IL18R1: variants seen among roughly 807,000 people sequenced by gnomAD.
The protein encoded by IL18R1 is interleukin-18 receptor 1.
IL18R1 carries 40 observed loss-of-function variants against 48.5 expected under a neutral mutation model. The observed-to-expected ratio is 0.82, with a 90% CI of 0.64 to 1.07. The LOEUF (loss-of-function observed/expected upper bound fraction) is 1.07. Among genes scored for constraint, IL18R1 ranks in the 50% least tolerant of loss-of-function variants. The pLI is 0.00. For missense variants in IL18R1, 596 were observed against 633.7 expected, an observed-to-expected ratio of 0.94 and a Z score of 0.64; for synonymous variants, 232 against 225.9, an observed-to-expected ratio of 1.03 and a Z score of -0.24.
intron 4 of IL18R1, among the ~76,000 whole-genome samples, chr2:102,373,603 A>G (rs553769972): frequency 1.4e-5 from 2 of 143,242 alleles, no homozygotes; most frequent in Admixed American, 1.4e-4. Context: ...CCAGAACTTA[A>G]AGTATAATAA....
chr2:102,386,828 A>G, intron 7 of IL18R1, 33 bp from the exon 8 acceptor site: 2 of 1,611,566 alleles, frequency 1.2e-6, no homozygotes, highest in South Asian at 1.1e-5. Context: ...TAACGAACAG[A>G]GCCTACTGCT....
chr2:102,362,740 CA>C (rs1458118924), intron 2 of IL18R1, 22 bp downstream of exon 2: 1 of 1,418,698 alleles, frequency 7.0e-7, no homozygotes. Context: ...TACATACTCT[CA>C]AACATATTTC....
chr2:102,376,157 C>T (rs1237801569), intron 5 of IL18R1, 94 bp downstream of exon 5: 1 of 1,071,944 alleles, frequency 9.3e-7, no homozygotes, highest in Admixed American at 2.9e-5. Context: ...TGAGAGTCCA[C>T]TTAGTTGGGG....
intron 6 of IL18R1, among the ~76,000 whole-genome samples, chr2:102,383,145 A>G (rs1050801670): frequency 3.9e-5 from 6 of 152,224 alleles, no homozygotes; most frequent in Admixed American, 3.3e-4. Context: ...ATTATAGTCC[A>G]AGATTATACA....
intron 1 of IL18R1, among the ~76,000 whole-genome samples, chr2:102,361,391 G>A (rs1313999652): frequency 6.6e-6 from 1 of 152,108 alleles, no homozygotes; most frequent in Non-Finnish European, 1.5e-5. Context: ...TTTCCATAAG[G>A]ATGTATGTGA....
intron 1 of IL18R1, among the ~76,000 whole-genome samples, chr2:102,358,854 C>T (rs755251996): frequency 6.6e-6 from 1 of 152,178 alleles, no homozygotes; most frequent in South Asian, 2.1e-4. Flanking sequence ...ATCAGATGAT[C>T]ACCTAGATTC....
chr2:102,376,230 T>C (rs1156358687), intron 5 of IL18R1, among the ~76,000 whole-genome samples, 167 bp downstream of exon 5: 1 of 152,204 alleles, frequency 6.6e-6, no homozygotes, highest in Non-Finnish European at 1.5e-5. Context: ...CTCCTCTACT[T>C]GGCTAAATAA....
intron 2 of IL18R1, 67 bp downstream of exon 2, chr2:102,362,785 T>A (rs1678657609): frequency 9.8e-7 from 1 of 1,018,804 alleles, no homozygotes; most frequent in African/African-American, 1.6e-5. Context: ...AAAGTTTTTT[T>A]TTTTATGTGG....
intron 7 of IL18R1, among the ~76,000 whole-genome samples, chr2:102,386,002 C>T (rs1262403709): frequency 6.6e-6 from 1 of 152,194 alleles, no homozygotes; most frequent in African/African-American, 2.4e-5. Context: ...TCAATGGCCT[C>T]CTGTGTTTTA....
At chr2:102,360,561 C>T (rs534061344) in intron 1 of IL18R1, among the ~76,000 whole-genome samples, 2 of 152,206 alleles carry the variant, frequency 1.3e-5, no homozygotes, top group Admixed American at 1.3e-4. Context: ...CTGTGCCCGG[C>T]CAAACATCTT....
chr2:102,384,859 A>G lies in IL18R1; in HGVS notation c.689-19A>G, dbSNP rs1559630059. The stretch of plus-strand genomic sequence containing the variant: ...CCTGAGTTTCAAAAATCAGAACTTT[A>G]GTTGCCAACTTTTACCAGGAAAAAA... On this transcript the variant is annotated intron_variant, in intron 6 of 10. Transcript: ENST00000233957. The G allele has an allele frequency of 1.2e-6, 2 of 1,606,200 alleles. No homozygotes were observed. Among genetic ancestry groups the G allele is most frequent in the Non-Finnish European group, 1.7e-6 (2 of 1,176,682 alleles).
At position 102,372,600 on chromosome 2, in the gene IL18R1, C is replaced by CTT. The variant is rs36068136; in HGVS notation, c.468+490_468+491dup. 1.5e-3 allele frequency among the ~76,000 whole-genome samples: 222 copies of CTT among 151,388 alleles called. 1 individual carries two copies. Among genetic ancestry groups the CTT allele is most frequent in the African/African-American group, 5.0e-3 (206 of 41,270 alleles). ...AAATCACTCATAAATCCATCACAGA[C>CTT]TTTTTTTTTCTGTGAAGCATCTGCT... On this transcript the variant is annotated intron_variant, in intron 4 of 10. Transcript: ENST00000233957.
At chr2:102,358,720 A>T (rs1678401321) in intron 1 of IL18R1, among the ~76,000 whole-genome samples, 1 of 152,062 alleles carries the variant, frequency 6.6e-6, no homozygotes, top group Non-Finnish European at 1.5e-5. Flanking sequence ...GGGCATCATT[A>T]TTTTTTTCCA....
chr2:102,376,328 G>A (rs1559625001), intron 5 of IL18R1, among the ~76,000 whole-genome samples: 1 of 152,190 alleles, frequency 6.6e-6, no homozygotes, highest in African/African-American at 2.4e-5. Flanking sequence ...TGAGTAAATT[G>A]TGGAATCTTT....
At chr2:102,367,702 G>C in intron 2 of IL18R1, 123 bp from the exon 3 acceptor site, 2 of 789,258 alleles carry the variant, frequency 2.5e-6, no homozygotes, top group East Asian at 5.4e-5. Context: ...AATTGACACC[G>C]AGATTTCTCA....
intron 6 of IL18R1, among the ~76,000 whole-genome samples, chr2:102,384,463 AGTAC>A (rs1290453086): frequency 6.6e-6 from 1 of 152,206 alleles, no homozygotes; most frequent in African/African-American, 2.4e-5. Context: ...ATCCTTCTTA[AGTAC>A]GCTTGTAGTT....
intron 4 of IL18R1, among the ~76,000 whole-genome samples, chr2:102,375,276 C>T (rs1255152286): frequency 1.3e-5 from 2 of 152,148 alleles, no homozygotes; most frequent in Non-Finnish European, 2.9e-5. Context: ...AAGAAAGTGG[C>T]TTTATTACAA....
At chr2:102,365,286 G>A (rs921485104) in intron 2 of IL18R1, among the ~76,000 whole-genome samples, 10 of 152,180 alleles carry the variant, frequency 6.6e-5, no homozygotes, top group Non-Finnish European at 1.2e-4. Flanking sequence ...CCAAATGGGA[G>A]AAATTGACTA....
intron 2 of IL18R1, among the ~76,000 whole-genome samples, chr2:102,363,188 AT>A (rs1678684706): frequency 7.1e-6 from 1 of 140,208 alleles, no homozygotes; most frequent in Non-Finnish European, 1.5e-5. Flanking sequence ...ATTAGCAGTG[AT>A]TGCCTAGAGT....
Sources: gnomAD v4.1 joint callset for allele counts (sites outside exome capture counted in the v4.1 genomes callset) on GRCh38, gnomAD v4.1.1 for gene constraint, MANE v1.5 for transcripts, NCBI Gene and HGNC (gene_info 2026-07-23, HGNC 2026-07-21) for gene names.